Variants in CNTNAP3 observed in about 807,000 individuals in gnomAD.
CNTNAP3 encodes the protein contactin associated protein family member 3, also known as contactin-associated protein-like 3.
A neutral mutation model predicts 92.1 loss-of-function variants in CNTNAP3; 36 were observed. That is an observed-to-expected ratio of 0.39 (90% CI 0.30 to 0.52). The LOEUF (loss-of-function observed/expected upper bound fraction) is 0.52, where lower values mean the gene tolerates loss of function less well. CNTNAP3 is among the 20% of genes least tolerant of loss of function. CNTNAP3 has a pLI of 0.76. For synonymous variants in CNTNAP3, 232 were observed against 422.3 expected, an observed-to-expected ratio of 0.55 and a Z score of 5.53; for missense variants, 534 against 1,069.6, an observed-to-expected ratio of 0.50 and a Z score of 6.98.
chr9:39,145,427 TG>T (rs1255087756), intron 10 of CNTNAP3, among the ~76,000 whole-genome samples: 2 of 143,600 alleles, frequency 1.4e-5, no homozygotes, highest in African/African-American at 5.0e-5. Context: ...CCCCTCACCA[TG>T]GGACCCAGAG....
chr9:39,138,482 A>G (rs1447317852), intron 12 of CNTNAP3, among the ~76,000 whole-genome samples: 1 of 152,228 alleles, frequency 6.6e-6, no homozygotes, highest in African/African-American at 2.4e-5. Flanking sequence ...CAAAACAAGA[A>G]AACAAAACAC....
At chr9:39,135,985 C>A (rs564767279) in intron 12 of CNTNAP3, among the ~76,000 whole-genome samples, 1 of 151,692 alleles carries the variant, frequency 6.6e-6, no homozygotes, top group East Asian at 1.9e-4. Context: ...AAAAATTAGC[C>A]GGGCGTGGTG....
chr9:39,072,563 ATTTTGGGTAATC>A lies in CNTNAP3; in HGVS notation c.*1315_*1326del. Among the ~76,000 whole-genome samples the A allele has an allele frequency of 6.6e-6, 1 of 152,040 alleles. No individual in the cohort carries two copies. Among genetic ancestry groups the A allele is most frequent in the Admixed American group, 6.6e-5 (1 of 15,260 alleles). On this transcript the variant is annotated 3_prime_UTR_variant, in exon 24 of 24. Transcript: ENST00000297668. Reference sequence around the variant, plus strand: ...TGTTCCAGTTAACTGCACATATTCAATTTTGGGTAATCTATGGGAATTTGGCCCCATGGTCAT... The same window carrying A: ...TGTTCCAGTTAACTGCACATATTCAATATGGGAATTTGGCCCCATGGTCAT...
intron 15 of CNTNAP3, among the ~76,000 whole-genome samples, chr9:39,105,382 A>G (rs10814795): frequency 0.47 from 71,785 of 151,900 alleles, 18,136 homozygotes; most frequent in African/African-American, 0.65. Context: ...AGGTGAGATC[A>G]TGCCACTGCA....
At chr9:39,147,274 G>C (rs1821726103) in intron 10 of CNTNAP3, among the ~76,000 whole-genome samples, 1 of 150,742 alleles carries the variant, frequency 6.6e-6, no homozygotes, top group East Asian at 2.0e-4. Flanking sequence ...ATTTTTGTTT[G>C]TTTGTTAACA....
chr9:39,119,355 C>CAAAA lies in CNTNAP3; in HGVS notation c.2081-1100_2081-1097dup, dbSNP rs35344011. 5.0e-3 allele frequency among the ~76,000 whole-genome samples: 506 copies of CAAAA among 101,228 alleles called. 5 individuals are homozygous for CAAAA. Among genetic ancestry groups the CAAAA allele is most frequent in the African/African-American group, 0.017 (472 of 28,542 alleles). 66.4% of individuals were successfully genotyped at this position (101,228 alleles called of 152,430 possible). A position where few individuals can be genotyped will look rare whatever the true frequency, so the allele number is the denominator to read the frequency against. ...CACTATCCATCACCTGCCCCTCTGC[C>CAAAA]AAAAAAAAAAAAAAAAAGGCAATCT... On this transcript the variant is annotated intron_variant, in intron 13 of 23. Transcript: ENST00000297668.
chr9:39,202,572 CACAA>C (rs1490521521), intron 3 of CNTNAP3, among the ~76,000 whole-genome samples: 1 of 5,510 alleles, frequency 1.8e-4, no homozygotes, highest in African/African-American at 2.5e-4. Context: ...TAAAAGAGGA[CACAA>C]ACAAATGGAA....
At chr9:39,100,503 G>A (rs898514188) in intron 17 of CNTNAP3, among the ~76,000 whole-genome samples, 2 of 152,020 alleles carry the variant, frequency 1.3e-5, no homozygotes, top group African/African-American at 4.8e-5. Flanking sequence ...GAATAAGAAT[G>A]TGTATTCATC....
At chr9:39,127,428 G>A (rs555719397) in intron 13 of CNTNAP3, among the ~76,000 whole-genome samples, 1 of 151,868 alleles carries the variant, frequency 6.6e-6, no homozygotes, top group Non-Finnish European at 1.5e-5. Context: ...ACAAAGAGAA[G>A]AGCAGATTTC....
chr9:39,117,875 C>A (rs370885073), intron 14 of CNTNAP3: 1 of 971,098 alleles, frequency 1.0e-6, no homozygotes, highest in African/African-American at 1.7e-5. Flanking sequence ...TTCTCTTTTA[C>A]GAAAAATAAA....
At position 39,157,505 on chromosome 9, in the gene CNTNAP3, A is replaced by T. The variant is rs896841363; in HGVS notation, c.1478-7528T>A. Among the ~76,000 whole-genome samples the T allele has an allele frequency of 6.7e-5, 8 of 118,772 alleles. 1 individual carries two copies. Among genetic ancestry groups the T allele is most frequent in the Non-Finnish European group, 1.1e-4 (6 of 53,206 alleles). 77.9% of individuals were successfully genotyped at this position (118,772 alleles called of 152,430 possible). On this transcript the variant is annotated intron_variant, in intron 9 of 23. Coordinates refer to ENST00000297668, the MANE Select transcript of CNTNAP3 (RefSeq NM_033655.5). ...CAGGCGCCCACCACCATGCCCAGCT[A>T]ATTTTTTTTTTTTTGTATTTTTAGT...
rs1308110043 is a variant in CNTNAP3 at position 39,090,596 on chromosome 9, A to G, written c.2996-1949T>C. ...TGAGCTATCTGTTTAGTCTTAGGCC[A>G]GTTATATACTGCTTTACAGTAAGTT... On this transcript the variant is annotated intron_variant, in intron 18 of 23. Transcript: ENST00000297668. Among the ~76,000 whole-genome samples, 8 of 152,392 alleles carry G rather than the reference A, an allele frequency of 5.2e-5. No homozygotes were observed. In the East Asian group the frequency reaches 1.4e-3, roughly 26 times the overall value.
intron 11 of CNTNAP3, among the ~76,000 whole-genome samples, chr9:39,143,089 G>GA (rs200483407): frequency 0.15 from 23,162 of 151,112 alleles, 2,156 homozygotes; most frequent in East Asian, 0.21. Flanking sequence ...AAACAAATAG[G>GA]AAAAAAAAGG....
chr9:39,131,548 G>A (rs551995213), intron 13 of CNTNAP3, among the ~76,000 whole-genome samples: 3 of 151,354 alleles, frequency 2.0e-5, no homozygotes, highest in South Asian at 2.1e-4. Context: ...TGTGAGGGCC[G>A]GGCGCGGTGG....
intron 12 of CNTNAP3, among the ~76,000 whole-genome samples, chr9:39,139,395 GTTTC>G (rs1176818126): frequency 2.0e-5 from 3 of 152,180 alleles, no homozygotes; most frequent in Non-Finnish European, 4.4e-5. Context: ...GAACGCCTGT[GTTTC>G]TTTATCTTCA....
At chr9:39,084,220 A>C (rs1370772634) in intron 21 of CNTNAP3, among the ~76,000 whole-genome samples, 1 of 96,358 alleles carries the variant, frequency 1.0e-5, no homozygotes, top group Non-Finnish European at 2.1e-5. Context: ...TTTTTTTGAG[A>C]CAGAGTCTCG....
Position 39,109,307 on chromosome 9 carries a change from A to G in CNTNAP3, c.2238-20T>C, listed in dbSNP as rs1465876534. 1 of 1,610,516 alleles carries G rather than the reference A, an allele frequency of 6.2e-7. No homozygotes were observed. The highest frequency in any genetic ancestry group is 1.1e-5 in the South Asian group (1 of 90,840). ...CTAGTCCTAAAGAACAACAACCGAA[A>G]CCATTAAAATTATTCTGATTAACAT... is the stretch of plus-strand genomic sequence containing the variant. On this transcript the variant is annotated intron_variant, in intron 14 of 23. Coordinates refer to ENST00000297668, the MANE Select transcript of CNTNAP3 (RefSeq NM_033655.5).
rs201374106 is a variant in CNTNAP3 at position 39,078,638 on chromosome 9, A to G, written c.3673+52T>C. The G allele has an allele frequency of 4.5e-3, 7,033 of 1,547,160 alleles. 2 individuals carry two copies. Among genetic ancestry groups the G allele is most frequent in the Middle Eastern group, 0.017 (76 of 4,346 alleles). On this transcript the variant is annotated intron_variant, in intron 22 of 23. Coordinates refer to ENST00000297668, the MANE Select transcript of CNTNAP3 (RefSeq NM_033655.5). ...AAAGAAGGCTTTTGAGAAATTCACA[A>G]ACATTTGAGAGAAGCGCAGTTTCAG...
intron 18 of CNTNAP3, among the ~76,000 whole-genome samples, chr9:39,093,361 A>G (rs974187620): frequency 1.4e-5 from 2 of 146,968 alleles, no homozygotes; most frequent in Non-Finnish European, 3.0e-5. Flanking sequence ...TGATTTCACT[A>G]TACTTTGGGG....
Sources: allele counts gnomAD v4.1 joint callset (sites outside exome capture counted in the v4.1 genomes callset), GRCh38; gene constraint gnomAD v4.1.1; transcripts MANE v1.5; gene names NCBI Gene and HGNC (gene_info 2026-07-23, HGNC 2026-07-21).